ASXL2: variants seen among roughly 807,000 people sequenced by gnomAD.
ASXL2 encodes putative Polycomb group protein ASXL2.
A neutral mutation model predicts 122.0 loss-of-function variants in ASXL2; 23 were observed. That is an observed-to-expected ratio of 0.19 (90% CI 0.14 to 0.27). The LOEUF (loss-of-function observed/expected upper bound fraction) is 0.27, where lower values mean the gene tolerates loss of function less well. ASXL2 is among the 10% of genes least tolerant of loss of function. ASXL2 has a pLI of 1.00. For synonymous variants in ASXL2, 650 were observed against 637.0 expected (o/e 1.02, Z -0.31); for missense variants, 1,518 against 1,713.8 (o/e 0.89, Z 2.02).
chr2:25,866,828 G>A lies in ASXL2; in HGVS notation c.57+11338C>T, dbSNP rs562499371. Among the ~76,000 whole-genome samples, 88 of 152,186 alleles carry A rather than the reference G, an allele frequency of 5.8e-4. 1 individual carries two copies. In the South Asian group the frequency reaches 0.014, roughly 24 times the overall value. On this transcript the variant is annotated intron_variant, in intron 1 of 12. Coordinates refer to ENST00000435504, the MANE Select transcript of ASXL2 (RefSeq NM_018263.6). ...GCTCATTGCAACCTCCACCTCCCAG[G>A]TTCAAGTGATTCTCCTGCCTCAGCG...
intron 3 of ASXL2, among the ~76,000 whole-genome samples, chr2:25,831,792 T>C (rs1325372142): frequency 6.6e-6 from 1 of 152,118 alleles, no homozygotes; most frequent in African/African-American, 2.4e-5. Context: ...TCCACCAAGA[T>C]ACATCATAAT....
intron 1 of ASXL2, among the ~76,000 whole-genome samples, chr2:25,873,567 CAA>C (rs904113134): frequency 4.0e-5 from 6 of 150,790 alleles, no homozygotes; most frequent in African/African-American, 1.5e-4. Flanking sequence ...ACAAAAGTGA[CAA>C]AAGTTTTAAG....
intron 5 of ASXL2, among the ~76,000 whole-genome samples, chr2:25,777,878 TATG>T (rs1348553403): frequency 1.3e-5 from 2 of 152,178 alleles, no homozygotes; most frequent in Admixed American, 6.5e-5. Context: ...TTGGCATCCT[TATG>T]ATATTTTTCT....
chr2:25,842,626 T>C (rs1345059504), intron 2 of ASXL2, among the ~76,000 whole-genome samples: 1 of 151,940 alleles, frequency 6.6e-6, no homozygotes, highest in Non-Finnish European at 1.5e-5. Flanking sequence ...GTGCTGGGAT[T>C]ACAGGCATGA....
At chr2:25,763,829 G>A (rs1011082286) in intron 8 of ASXL2, among the ~76,000 whole-genome samples, 5 of 152,202 alleles carry the variant, frequency 3.3e-5, no homozygotes, top group Non-Finnish European at 2.9e-5. Flanking sequence ...TTAAGTTACT[G>A]TAGGAATTTA....
chr2:25,864,888 A>G (rs1199131696), intron 1 of ASXL2, among the ~76,000 whole-genome samples: 2 of 151,686 alleles, frequency 1.3e-5, no homozygotes, highest in South Asian at 2.1e-4. Context: ...CTGCAGTACA[A>G]TAGCGCGATC....
At chr2:25,820,214 C>G (rs758882049) in intron 3 of ASXL2, among the ~76,000 whole-genome samples, 1 of 152,142 alleles carries the variant, frequency 6.6e-6, no homozygotes, top group Non-Finnish European at 1.5e-5. Context: ...TGCATCAAGC[C>G]TACTCTGAAG....
chr2:25,798,069 G>C (rs540467862), intron 5 of ASXL2, among the ~76,000 whole-genome samples: 2 of 152,304 alleles, frequency 1.3e-5, no homozygotes, highest in Admixed American at 6.5e-5. Flanking sequence ...ATGAATACCA[G>C]AACAGAAAAC....
chr2:25,773,678 A>C (rs1030547104), intron 5 of ASXL2, among the ~76,000 whole-genome samples: 1 of 148,564 alleles, frequency 6.7e-6, no homozygotes, highest in Admixed American at 6.7e-5. Context: ...AAAAAAAAAA[A>C]CAAAAATCAT....
chr2:25,772,729 CAAAAAAAAAAAAAAA>C (rs70950119), intron 5 of ASXL2, among the ~76,000 whole-genome samples: 4 of 58,940 alleles, frequency 6.8e-5, no homozygotes, highest in East Asian at 7.5e-4. Flanking sequence ...AACTTGGTCT[CAAAAAAAAAAAAAAA>C]AAAAAAAAAA....
rs906092361 is a variant in ASXL2, at chr2:25,799,591, T to C, written c.253-56A>G. The C allele has an allele frequency of 8.0e-5, 122 of 1,532,132 alleles. No homozygotes were observed. The East Asian group carries it at 2.5e-3, about 31-fold the overall frequency. The allele number at this position is 1,532,132 out of a possible 1,614,324, so 94.9% of individuals were successfully genotyped here. ...TCATTACCATTTAAGCAAACAGAAATTAAAACTTCTGATATGCAATGTTGC... is the reference window on the plus strand; with the variant it reads ...TCATTACCATTTAAGCAAACAGAAACTAAAACTTCTGATATGCAATGTTGC... On this transcript the variant is annotated intron_variant, in intron 4 of 12. Coordinates refer to ENST00000435504, the MANE Select transcript of ASXL2 (RefSeq NM_018263.6).
intron 1 of ASXL2, among the ~76,000 whole-genome samples, chr2:25,875,827 T>C (rs914283468): frequency 1.3e-5 from 2 of 152,222 alleles, no homozygotes; most frequent in Admixed American, 6.5e-5. Flanking sequence ...CTTCTTTTCC[T>C]ATTCCTCTGG....
intron 8 of ASXL2, 139 bp downstream of exon 8, chr2:25,767,444 C>A (rs2088371367): frequency 2.3e-6 from 2 of 856,328 alleles, no homozygotes; most frequent in Non-Finnish European, 3.5e-6. Flanking sequence ...ATGTTAGCAA[C>A]AAAAAAAACT....
Position 25,771,366 on chromosome 2 carries a change from T to G in ASXL2, c.504+74A>C, listed in dbSNP as rs573181390. The G allele has an allele frequency of 4.6e-4, 629 of 1,360,050 alleles. 3 individuals carry two copies. Among genetic ancestry groups the G allele is most frequent in the Non-Finnish European group, 5.9e-4 (590 of 1,003,086 alleles). 84.2% of individuals were successfully genotyped at this position (1,360,050 alleles called of 1,614,324 possible). A position where few individuals can be genotyped will look rare whatever the true frequency, so the allele number is the denominator to read the frequency against. ...CAATGTAAAAAATTTTCAAAAAATA[T>G]CCGATGACTGCCAGAGGTGTGCGTT... On this transcript the variant is annotated intron_variant, in intron 6 of 12. Transcript: ENST00000435504.
intron 1 of ASXL2, among the ~76,000 whole-genome samples, chr2:25,872,400 A>T (rs1318581728): frequency 2.0e-5 from 3 of 152,118 alleles, no homozygotes; most frequent in African/African-American, 7.2e-5. Context: ...AAAAAAAATT[A>T]AAACTTAAAT....
At chr2:25,787,934 A>G (rs938547023) in intron 5 of ASXL2, among the ~76,000 whole-genome samples, 1 of 152,218 alleles carries the variant, frequency 6.6e-6, no homozygotes, top group African/African-American at 2.4e-5. Flanking sequence ...AATATTAAAG[A>G]ACAAAATGGA....
At position 25,735,129 on chromosome 2, in the gene ASXL2, C is replaced by T. The variant is rs1031007101; in HGVS notation, c.*6900G>A. On this transcript the variant is annotated 3_prime_UTR_variant, in exon 13 of 13. Transcript: ENST00000435504. Reference sequence around the variant, plus strand: ...CAGCCCATCTCCAAGTTGATCCTTTCTGGCTCTTTTCCTGGTTTCGCTTTT... The same window carrying T: ...CAGCCCATCTCCAAGTTGATCCTTTTTGGCTCTTTTCCTGGTTTCGCTTTT... 4.6e-5 allele frequency: 7 copies of T among 152,222 alleles called. No homozygotes were observed. The highest frequency in any genetic ancestry group is 1.7e-4 in the African/African-American group (7 of 41,450). The allele number at this position is 152,222 out of a possible 1,614,324, so 9.4% of individuals were successfully genotyped here.
chr2:25,809,895 G>T, intron 3 of ASXL2: 1 of 506,168 alleles, frequency 2.0e-6, no homozygotes, highest in South Asian at 1.5e-5. Context: ...GTCAGAGGGA[G>T]GAGCAGCAGC....
intron 3 of ASXL2, among the ~76,000 whole-genome samples, chr2:25,809,493 G>A (rs1316704715): frequency 6.6e-6 from 1 of 152,048 alleles, no homozygotes; most frequent in Non-Finnish European, 1.5e-5. Context: ...CTCTCAGTAA[G>A]GCAGGCCTAT....
Sources: allele counts gnomAD v4.1 joint callset (sites outside exome capture counted in the v4.1 genomes callset), GRCh38; gene constraint gnomAD v4.1.1; transcripts MANE v1.5; gene names NCBI Gene and HGNC (gene_info 2026-07-23, HGNC 2026-07-21).